Variants in GRIK3 observed in about 807,000 individuals in gnomAD.
The protein encoded by GRIK3 is glutamate ionotropic receptor kainate type subunit 3.
Under a neutral mutation model 102.5 loss-of-function variants are expected in GRIK3, and 29 were observed. The observed-to-expected ratio is 0.28, with a 90% CI of 0.21 to 0.39. The LOEUF (loss-of-function observed/expected upper bound fraction) is 0.39, where lower values mean the gene tolerates loss of function less well. GRIK3 is among the 10% of genes least tolerant of loss of function. The probability of loss-of-function intolerance (pLI) is 1.00; values close to 1 mark genes in which losing one functional copy is unlikely to be tolerated. For synonymous variants in GRIK3, 511 were observed against 504.9 expected, an observed-to-expected ratio of 1.01 and a Z score of -0.16; for missense variants, 908 against 1,252.4, an observed-to-expected ratio of 0.73 and a Z score of 4.15.
chr1:37,003,787 A>G (rs1343183388), intron 1 of GRIK3, among the ~76,000 whole-genome samples: 2 of 152,184 alleles, frequency 1.3e-5, no homozygotes, highest in South Asian at 2.1e-4. Context: ...CCATATTTAC[A>G]AAGTCTGAGT....
intron 2 of GRIK3, among the ~76,000 whole-genome samples, chr1:36,887,810 A>C (rs200965101): frequency 0.012 from 8 of 670 alleles, no homozygotes; most frequent in Non-Finnish European, 0.041. Context: ...AGAGAGAGTG[A>C]GAGAGAGAGA....
chr1:36,804,361 A>G (rs1642474992), intron 15 of GRIK3, among the ~76,000 whole-genome samples: 1 of 152,194 alleles, frequency 6.6e-6, no homozygotes, highest in South Asian at 2.1e-4. Flanking sequence ...TAAAACAGAG[A>G]GTCTCTGGGA....
intron 10 of GRIK3, among the ~76,000 whole-genome samples, chr1:36,833,835 C>T (rs1036103937): frequency 2.6e-5 from 4 of 152,220 alleles, no homozygotes; most frequent in African/African-American, 9.6e-5. Flanking sequence ...CAACCCTCAT[C>T]ACCAGTTTCT....
At chr1:36,805,260 T>A (rs1311234471) in intron 14 of GRIK3, 23 bp from the exon 15 acceptor site, 29 of 1,587,238 alleles carry the variant, frequency 1.8e-5, no homozygotes, top group Non-Finnish European at 2.3e-5. Context: ...AAGGGACCCC[T>A]AGCCATCAGT....
chr1:37,029,404 G>A (rs965465259), intron 1 of GRIK3, among the ~76,000 whole-genome samples: 1 of 152,170 alleles, frequency 6.6e-6, no homozygotes, highest in African/African-American at 2.4e-5. Context: ...TGAAGCACCC[G>A]CTGTTTCAGT....
chr1:36,924,322 G>C (rs1391532462), intron 1 of GRIK3, among the ~76,000 whole-genome samples: 1 of 152,152 alleles, frequency 6.6e-6, no homozygotes, highest in Non-Finnish European at 1.5e-5. Context: ...TGGCTTCATC[G>C]GGTGCAACTG....
rs190647006 is a variant in GRIK3, at chr1:36,839,927, G to A, written c.1530+1809C>T. On this transcript the variant is annotated intron_variant, in intron 10 of 15. Coordinates refer to ENST00000373091, the MANE Select transcript of GRIK3 (RefSeq NM_000831.4). ...CTCTGTAGGCAGCTCCCCTCAGACCGAGGCAAGGGGGCTTAACCGAAGTCC... is the reference window on the plus strand; with the variant it reads ...CTCTGTAGGCAGCTCCCCTCAGACCAAGGCAAGGGGGCTTAACCGAAGTCC... 9.5e-4 allele frequency among the ~76,000 whole-genome samples: 144 copies of A among 152,280 alleles called. 3 individuals are homozygous for A. The South Asian group carries it at 0.013, about 14-fold the overall frequency.
intron 9 of GRIK3, among the ~76,000 whole-genome samples, chr1:36,847,930 G>A (rs1045996166): frequency 7.2e-5 from 11 of 152,350 alleles, no homozygotes; most frequent in African/African-American, 2.6e-4. Context: ...ACCAGGCTAT[G>A]AGCCAAGAGG....
chr1:36,924,515 TG>T (rs1244123562), intron 1 of GRIK3, among the ~76,000 whole-genome samples: 1 of 152,142 alleles, frequency 6.6e-6, no homozygotes, highest in Non-Finnish European at 1.5e-5. Flanking sequence ...GGTTGGGTGC[TG>T]AGCCCCTATC....
chr1:36,813,466 C>T (rs1330911128), intron 13 of GRIK3, among the ~76,000 whole-genome samples: 1 of 152,196 alleles, frequency 6.6e-6, no homozygotes, highest in Non-Finnish European at 1.5e-5. Context: ...AAGACCACCT[C>T]TCTAGGAGAA....
At chr1:36,864,774 C>T (rs1640764430) in intron 5 of GRIK3, among the ~76,000 whole-genome samples, 1 of 152,082 alleles carries the variant, frequency 6.6e-6, no homozygotes, top group Non-Finnish European at 1.5e-5. Context: ...CACAGAGTGC[C>T]CCCATCCCCG....
At chr1:36,901,986 G>T (rs1230556588) in intron 1 of GRIK3, among the ~76,000 whole-genome samples, 2 of 152,176 alleles carry the variant, frequency 1.3e-5, no homozygotes, top group Non-Finnish European at 2.9e-5. Context: ...ACATTAACAT[G>T]CAAAGAAAAG....
rs369086348 is a variant in GRIK3, at chr1:36,826,902, T to G, written c.1531-1076A>C. Among the ~76,000 whole-genome samples, 191 of 152,268 alleles carry G rather than the reference T, an allele frequency of 1.3e-3. 2 individuals are homozygous for G. Among genetic ancestry groups the G allele is most frequent in the African/African-American group, 4.3e-3 (179 of 41,564 alleles). On this transcript the variant is annotated intron_variant, in intron 10 of 15. Coordinates refer to ENST00000373091, the MANE Select transcript of GRIK3 (RefSeq NM_000831.4). ...TAGATTCCCTCATTCCCATCCCATC[T>G]TTCCAGGACCCCACTGGCATCCTCC...
At chr1:36,969,116 C>A (rs12028077) in intron 1 of GRIK3, among the ~76,000 whole-genome samples, 1 of 152,224 alleles carries the variant, frequency 6.6e-6, no homozygotes, top group South Asian at 2.1e-4. Flanking sequence ...AACCCGCATC[C>A]TCCAGCTCAT....
chr1:36,989,010 C>G (rs1005203460), intron 1 of GRIK3, among the ~76,000 whole-genome samples: 2 of 152,096 alleles, frequency 1.3e-5, no homozygotes, highest in African/African-American at 4.8e-5. Flanking sequence ...AACTGAAGCC[C>G]TACACACCCT....
chr1:36,985,824 TCTCC>T (rs1305039105), intron 1 of GRIK3, among the ~76,000 whole-genome samples: 1 of 152,018 alleles, frequency 6.6e-6, no homozygotes, highest in African/African-American at 2.4e-5. Flanking sequence ...GGGCTCCCCG[TCTCC>T]CTGCTGTGCA....
intron 1 of GRIK3, among the ~76,000 whole-genome samples, chr1:36,936,269 A>AT (rs1440235097): frequency 6.6e-6 from 1 of 152,184 alleles, no homozygotes; most frequent in Non-Finnish European, 1.5e-5. Flanking sequence ...CCCAGGGCAA[A>AT]TCAGGGGATG....
At chr1:37,015,704 C>T (rs942658683) in intron 1 of GRIK3, among the ~76,000 whole-genome samples, 2 of 152,160 alleles carry the variant, frequency 1.3e-5, no homozygotes, top group Admixed American at 1.3e-4. Flanking sequence ...CTCCCCATTT[C>T]CCCCAACTCC....
rs371012457 is a variant in GRIK3, at chr1:36,915,987, G to A, written c.116-24891C>T. ...GAAAAATTTGGAGGGCTCAGAAGAA[G>A]ACAGGAAAATGTGGGAAGTTTGGAA... is the stretch of plus-strand genomic sequence containing the variant. On this transcript the variant is annotated intron_variant, in intron 1 of 15. Coordinates refer to ENST00000373091, the MANE Select transcript of GRIK3 (RefSeq NM_000831.4). 1.1e-3 allele frequency among the ~76,000 whole-genome samples: 170 copies of A among 152,292 alleles called. 1 individual carries two copies. The highest frequency in any genetic ancestry group is 3.7e-3 in the African/African-American group (154 of 41,568).
Sources: gnomAD v4.1 joint callset for allele counts (sites outside exome capture counted in the v4.1 genomes callset) on GRCh38, gnomAD v4.1.1 for gene constraint, MANE v1.5 for transcripts, NCBI Gene and HGNC (gene_info 2026-07-23, HGNC 2026-07-21) for gene names.